The following TRPM4 variants were observed in gnomAD, a reference collection of about 807,000 sequenced individuals.
The protein encoded by TRPM4 is calcium-activated non-selective cation channel 1.
A neutral mutation model predicts 135.6 loss-of-function variants in TRPM4; 124 were observed. The observed-to-expected ratio is 0.91, with a 90% CI of 0.79 to 1.06. TRPM4 has a LOEUF of 1.06. Among genes scored for constraint, TRPM4 ranks in the 50% least tolerant of loss-of-function variants. The pLI is 0.00. For missense variants in TRPM4, 1,658 were observed against 1,671.4 expected, an observed-to-expected ratio of 0.99 and a Z score of 0.14; for synonymous variants, 745 against 705.6, an observed-to-expected ratio of 1.06 and a Z score of -0.88.
intron 6 of TRPM4, among the ~76,000 whole-genome samples, chr19:49,170,043 G>A (rs759981405): frequency 1.3e-5 from 2 of 151,874 alleles, no homozygotes. Flanking sequence ...TCTTCAAATA[G>A]GTACTTTTGT....
In TRPM4 at chr19:49,157,858, C is replaced by A. The variant is rs1425125322; in HGVS notation, c.-9C>A. 26 of 1,534,460 alleles carry A rather than the reference C, an allele frequency of 1.7e-5. No homozygotes were observed. Among genetic ancestry groups the A allele is most frequent in the Non-Finnish European group, 2.3e-5 (26 of 1,146,230 alleles). Reference sequence around the variant, plus strand: ...CTGGGCTGCAGGAGGTTGCGGCGGCCGCGGCAGCATGGTGGTGCCGGAGAA... The same window carrying A: ...CTGGGCTGCAGGAGGTTGCGGCGGCAGCGGCAGCATGGTGGTGCCGGAGAA... On this transcript the variant is annotated 5_prime_UTR_variant, in exon 1 of 25. Coordinates refer to ENST00000252826, the MANE Select transcript of TRPM4 (RefSeq NM_017636.4).
intron 9 of TRPM4, among the ~76,000 whole-genome samples, chr19:49,180,822 T>G (rs529318209): frequency 1.1e-4 from 16 of 152,056 alleles, no homozygotes; most frequent in South Asian, 2.1e-4. Context: ...CTATCCACCC[T>G]GTACATCCAT....
chr19:49,178,907 C>T (rs1000494211), intron 9 of TRPM4, among the ~76,000 whole-genome samples: 14 of 149,704 alleles, frequency 9.4e-5, no homozygotes, highest in Non-Finnish European at 1.8e-4. Context: ...TACAGGCGCC[C>T]GCCACCATGC....
rs2146000247 is a variant in TRPM4, at chr19:49,211,203, G to T, written c.3574G>T (p.Ala1192Ser). Residue 1192 changes from alanine to serine, a missense_variant, in exon 24 of 25, where the codon GCC (alanine) becomes TCC (serine). By Grantham distance (99) the Ala-to-Ser change is moderately conservative. Around this residue, in one of 3 missense-constraint regions of TRPM4, gnomAD observed 1,412 missense variants for 1,408.7 expected, o/e 1.00. Transcript: ENST00000252826. The surrounding 1 kb of genome is among the most constrained non-coding windows in gnomAD (Gnocchi z 4.8). ...CCGCGTCCTGGGGTGGGTGGCCGAG[G>T]CCCTGAGCCGCTCTGCCTTGCTGCC... ...CSRVLGWVAE[A>S]LSRSALLPPG... The T allele has an allele frequency of 1.2e-6, 2 of 1,601,086 alleles. No individual in the cohort carries two copies. The highest frequency in any genetic ancestry group is 1.7e-6 in the Non-Finnish European group (2 of 1,174,566).
intron 11 of TRPM4, 54 bp downstream of exon 11, chr19:49,182,976 G>A (rs1437046259): frequency 1.0e-5 from 16 of 1,591,172 alleles, no homozygotes; most frequent in Non-Finnish European, 1.4e-5. Context: ...ACCTGGGGGC[G>A]GGATTACATC....
Position 49,210,905 on chromosome 19 carries a change from A to G in TRPM4, c.3461+63A>G. ...CTGGGGCGGATCCTGACTTCAGCTG[A>G]AGGCAGGGTCCTGGGAGGGAGGGAG... On this transcript the variant is annotated intron_variant, in intron 22 of 24. Transcript: ENST00000252826. The surrounding 1 kb of genome is among the most constrained non-coding windows in gnomAD (Gnocchi z 4.1). The G allele has an allele frequency of 1.9e-6, 3 of 1,558,112 alleles. No homozygotes were observed. Among genetic ancestry groups the G allele is most frequent in the Non-Finnish European group, 2.6e-6 (3 of 1,149,950 alleles).
intron 9 of TRPM4, among the ~76,000 whole-genome samples, chr19:49,175,687 G>A (rs1967660515): frequency 6.9e-6 from 1 of 145,642 alleles, no homozygotes; most frequent in Non-Finnish European, 1.5e-5. Context: ...TTGAGACAGA[G>A]TCTCGCTCTG....
At chr19:49,198,746 T>G (rs1211876674) in intron 17 of TRPM4, among the ~76,000 whole-genome samples, 1 of 151,918 alleles carries the variant, frequency 6.6e-6, no homozygotes, top group Non-Finnish European at 1.5e-5. Context: ...AGATGGACAT[T>G]TAGGTTCTCT....
intron 20 of TRPM4, among the ~76,000 whole-genome samples, chr19:49,202,692 C>T (rs989144511): frequency 6.6e-6 from 1 of 151,822 alleles, no homozygotes; most frequent in Non-Finnish European, 1.5e-5. Context: ...CCCACTCCCC[C>T]ATACCCAGTT....
At chr19:49,182,419 TCCATCTAC>T (rs1470138859) in intron 10 of TRPM4, 151 bp from the exon 11 acceptor site, 89 of 689,190 alleles carry the variant, frequency 1.3e-4, no homozygotes, top group African/African-American at 3.0e-4. Flanking sequence ...TGTCCATCCA[TCCATCTAC>T]CTATCCATTC....
At chr19:49,188,579 T>A in intron 12 of TRPM4, 62 bp from the exon 13 acceptor site, 1 of 1,612,938 alleles carries the variant, frequency 6.2e-7, no homozygotes, top group Non-Finnish European at 8.5e-7. Context: ...TCCCTTGACT[T>A]CAGGCTTCCT....
chr19:49,168,685 T>C lies in TRPM4; in HGVS notation c.745T>C (p.Phe249Leu). The change falls in exon 6 of 25, where the codon TTC (phenylalanine) becomes CTC (leucine). Residue 249 changes from phenylalanine (F) to leucine (L), a missense_variant. Physicochemically the swap from Phe to Leu is conservative, Grantham distance 22. Coordinates refer to ENST00000252826, the MANE Select transcript of TRPM4 (RefSeq NM_017636.4). ...THGCLGGENR[F>L]RLRLESYISQ... The stretch of plus-strand genomic sequence containing the variant: ...CGGCTGCCTGGGGGGCGAGAACCGC[T>C]TCCGCTTGCGCCTGGAGTCCTACAT... The C allele has an allele frequency of 6.2e-7, 1 of 1,610,894 alleles. No individual in the cohort carries two copies. The highest frequency in any genetic ancestry group is 8.5e-7 in the Non-Finnish European group (1 of 1,179,054).
chr19:49,207,233 A>G (rs1287978905), intron 20 of TRPM4, among the ~76,000 whole-genome samples: 1 of 152,220 alleles, frequency 6.6e-6, no homozygotes, highest in Non-Finnish European at 1.5e-5. Context: ...GATCTTAGGC[A>G]GAAAGCTTTC....
At position 49,210,530 on chromosome 19, in the gene TRPM4, G is replaced by T; in HGVS notation, c.3328+125G>T. 7.0e-7 allele frequency: 1 copy of T among 1,426,542 alleles called. No individual in the cohort carries two copies. The highest frequency in any genetic ancestry group is 9.6e-7 in the Non-Finnish European group (1 of 1,036,434). 88.4% of individuals were successfully genotyped at this position (1,426,542 alleles called of 1,614,324 possible). On this transcript the variant is annotated intron_variant, in intron 21 of 24. Transcript: ENST00000252826. This position sits in a 1 kb window ranked among gnomAD's most constrained non-coding sequence, Gnocchi z 4.1. ...TTAGGTAGCGAGGGGCGGGGTTTAA[G>T]CAACAAGGGGCGGAGCTTAAGCACT...
In TRPM4 at chr19:49,211,121, C is replaced by A; in HGVS notation, c.3534+34C>A. 1 of 1,612,132 alleles carries A rather than the reference C, an allele frequency of 6.2e-7. No homozygotes were observed. Among genetic ancestry groups the A allele is most frequent in the South Asian group, 1.1e-5 (1 of 90,656 alleles). On this transcript the variant is annotated intron_variant, in intron 23 of 24. Coordinates refer to ENST00000252826, the MANE Select transcript of TRPM4 (RefSeq NM_017636.4). This position sits in a 1 kb window ranked among gnomAD's most constrained non-coding sequence, Gnocchi z 4.8. ...TTGGGGCCTGGCTGGGGGACTGTGG[C>A]AGGGGTCCCATCTCCCGCTCTGACA...
intron 17 of TRPM4, 133 bp from the exon 18 acceptor site, chr19:49,200,167 C>T (rs949995793): frequency 7.2e-7 from 1 of 1,383,090 alleles, no homozygotes; most frequent in Non-Finnish European, 1.0e-6. Context: ...TGAGTAAACC[C>T]CGGGTGACTG....
intron 16 of TRPM4, among the ~76,000 whole-genome samples, chr19:49,195,065 CT>C (rs142550645): frequency 8.9e-4 from 135 of 151,388 alleles, no homozygotes; most frequent in Non-Finnish European, 1.7e-3. Context: ...CCCAGCCTCA[CT>C]TTTTTTTCTT....
chr19:49,157,814 C>A lies in TRPM4; in HGVS notation c.-53C>A. ...TGGGCGGGTCTGGAAGCAGAGCCGG[C>A]GGAGGGAGCGCCGGGGCCCTGGGCT... On this transcript the variant is annotated 5_prime_UTR_variant, in exon 1 of 25. Transcript: ENST00000252826. 6.5e-7 allele frequency: 1 copy of A among 1,533,260 alleles called. No individual in the cohort carries two copies. Among genetic ancestry groups the A allele is most frequent in the East Asian group, 2.4e-5 (1 of 40,882 alleles). The allele number at this position is 1,533,260 out of a possible 1,614,324, so 95.0% of individuals were successfully genotyped here. A position where few individuals can be genotyped will look rare whatever the true frequency, so the allele number is the denominator to read the frequency against.
At chr19:49,201,890 C>T (rs558948643) in intron 19 of TRPM4, 74 bp from the exon 20 acceptor site, 54 of 1,539,596 alleles carry the variant, frequency 3.5e-5, no homozygotes, top group South Asian at 3.1e-4. Flanking sequence ...CGTGAGCCAC[C>T]GCGCCCGGCA....
Sources: allele counts gnomAD v4.1 joint callset (sites outside exome capture counted in the v4.1 genomes callset), GRCh38; gene constraint gnomAD v4.1.1; regional missense constraint gnomAD v4.1.1; non-coding constraint Gnocchi (gnomAD v3.1); transcripts MANE v1.5; gene names NCBI Gene and HGNC (gene_info 2026-07-23, HGNC 2026-07-21).